Variants in CST8 observed in about 807,000 individuals in gnomAD.
CST8 encodes the protein cystatin-8.
A neutral mutation model predicts 11.8 loss-of-function variants in CST8; 20 were observed. The ratio of observed to expected loss-of-function variants is 1.70; its 90% confidence interval spans 1.20 to 2.47. The LOEUF (loss-of-function observed/expected upper bound fraction) is 2.47. Among genes scored for constraint, CST8 ranks in the 30% most tolerant of loss-of-function variants. The pLI is 0.00. For missense variants in CST8, 196 were observed against 167.2 expected, an observed-to-expected ratio of 1.17 and a Z score of -0.95; for synonymous variants, 77 against 63.1, an observed-to-expected ratio of 1.22 and a Z score of -1.05.
In CST8 at chr20:23,491,320, T is replaced by G. The variant is rs1359832026; in HGVS notation, c.-166T>G. ...ACATCATACAGGACTGAGAAGCAGATAACAAGAGTGACGCTCACAGGGGTA... is the reference window on the plus strand; with the variant it reads ...ACATCATACAGGACTGAGAAGCAGAGAACAAGAGTGACGCTCACAGGGGTA... On this transcript the variant is annotated 5_prime_UTR_variant, in exon 1 of 4. Coordinates refer to ENST00000246012, the MANE Select transcript of CST8 (RefSeq NM_005492.4). 3.3e-6 allele frequency: 1 copy of G among 300,796 alleles called. No individual in the cohort carries two copies. The allele number at this position is 300,796 out of a possible 1,614,324, so 18.6% of individuals were successfully genotyped here.
downstream of CST8, among the ~76,000 whole-genome samples, chr20:23,497,831 T>C (rs567638502): frequency 2.0e-5 from 3 of 152,324 alleles, no homozygotes; most frequent in African/African-American, 7.2e-5. Context: ...CCTAACCTTG[T>C]CATGTGGGGA....
chr20:23,494,213 T>C (rs1305187132), intron 3 of CST8, among the ~76,000 whole-genome samples: 2 of 152,214 alleles, frequency 1.3e-5, no homozygotes, highest in African/African-American at 2.4e-5. Flanking sequence ...ATTAGGAATA[T>C]GGTTGCTTTA....
Position 23,491,321 on chromosome 20 carries a change from A to G in CST8, c.-165A>G. 3.3e-6 allele frequency: 1 copy of G among 302,166 alleles called. No individual in the cohort carries two copies. The highest frequency in any genetic ancestry group is 1.1e-3 in the Middle Eastern group (1 of 930). 18.7% of individuals were successfully genotyped at this position (302,166 alleles called of 1,614,324 possible). On this transcript the variant is annotated 5_prime_UTR_variant, in exon 1 of 4. It adds an upstream start codon to the 5' untranslated region. Transcript: ENST00000246012. Reference sequence around the variant, plus strand: ...CATCATACAGGACTGAGAAGCAGATAACAAGAGTGACGCTCACAGGGGTAG... The same window carrying G: ...CATCATACAGGACTGAGAAGCAGATGACAAGAGTGACGCTCACAGGGGTAG...
chr20:23,492,871 C>T lies in CST8; in HGVS notation c.232-87C>T, dbSNP rs542587165. On this transcript the variant is annotated intron_variant, in intron 2 of 3. Coordinates refer to ENST00000246012, the MANE Select transcript of CST8 (RefSeq NM_005492.4). ...GAGGGAGGAAGGAAAGAGGAAAGGA[C>T]GAGAGTAAGAGTAATTTTTTTTTTT... The T allele has an allele frequency of 4.5e-4, 369 of 813,084 alleles. 2 individuals are homozygous for T. Among genetic ancestry groups the T allele is most frequent in the Middle Eastern group, 1.2e-3 (5 of 4,250 alleles). The allele number at this position is 813,084 out of a possible 1,614,324, so 50.4% of individuals were successfully genotyped here.
chr20:23,496,086 T>C (rs1023756882), downstream of CST8: 5 of 589,506 alleles, frequency 8.5e-6, no homozygotes, highest in African/African-American at 9.5e-5. Context: ...GTCCAGGTCC[T>C]CTTTGCTGGC....
downstream of CST8, among the ~76,000 whole-genome samples, chr20:23,500,782 G>A (rs1988164461): frequency 7.1e-6 from 1 of 141,346 alleles, no homozygotes; most frequent in Admixed American, 7.2e-5. Flanking sequence ...CAGGTGAAGG[G>A]TGAACAGGGG....
intron 2 of CST8, among the ~76,000 whole-genome samples, chr20:23,492,627 CTTTCACCTCT>C (rs1987923318): frequency 6.6e-6 from 1 of 152,212 alleles, no homozygotes; most frequent in African/African-American, 2.4e-5. Flanking sequence ...AAGAGCCCAC[CTTTCACCTCT>C]CAGTCCTCAC....
At chr20:23,499,267 T>C (rs1386350187), downstream of CST8, among the ~76,000 whole-genome samples, 1 of 152,202 alleles carries the variant, frequency 6.6e-6, no homozygotes, top group Non-Finnish European at 1.5e-5. Flanking sequence ...TTTTATTTAA[T>C]TTAATGTTAT....
the CST8 span, among the ~76,000 whole-genome samples, chr20:23,505,423 C>T: frequency 7.2e-5 from 11 of 152,052 alleles, no homozygotes; most frequent in East Asian, 3.9e-4. Flanking sequence ...GGGTTACAGG[C>T]GTGAGCCACC....
At chr20:23,505,905 C>T in the CST8 span, among the ~76,000 whole-genome samples, 1 of 152,092 alleles carries the variant, frequency 6.6e-6, no homozygotes, top group African/African-American at 2.4e-5. Context: ...TGCTGAATGT[C>T]AATGGTAAAC....
intron 2 of CST8, among the ~76,000 whole-genome samples, 184 bp downstream of exon 2, chr20:23,492,082 C>A (rs78983475): frequency 6.6e-6 from 1 of 152,216 alleles, no homozygotes. Context: ...TTTCTACAAA[C>A]GCTTGCGCTT....
intron 2 of CST8, among the ~76,000 whole-genome samples, chr20:23,492,444 C>T (rs1201520479): frequency 6.6e-6 from 1 of 152,200 alleles, no homozygotes; most frequent in Non-Finnish European, 1.5e-5. Context: ...TGCATGGGTC[C>T]TCATGGACTG....
downstream of CST8, among the ~76,000 whole-genome samples, chr20:23,498,436 A>G (rs1988109212): frequency 6.6e-6 from 1 of 152,216 alleles, no homozygotes; most frequent in Middle Eastern, 3.2e-3. Flanking sequence ...TAGGGATTTC[A>G]GTATTTCTGC....
downstream of CST8, among the ~76,000 whole-genome samples, chr20:23,498,224 A>G (rs1265259293): frequency 6.6e-6 from 1 of 152,200 alleles, no homozygotes; most frequent in Non-Finnish European, 1.5e-5. Flanking sequence ...ATGACAATGT[A>G]AATAGACAAC....
downstream of CST8, among the ~76,000 whole-genome samples, chr20:23,496,754 T>A (rs1255333920): frequency 6.6e-6 from 1 of 152,166 alleles, no homozygotes; most frequent in East Asian, 1.9e-4. Flanking sequence ...AAGCGGCCAT[T>A]TTAGAGGCCT....
the CST8 span, among the ~76,000 whole-genome samples, chr20:23,502,400 G>A: frequency 8.5e-5 from 13 of 152,324 alleles, no homozygotes; most frequent in African/African-American, 3.1e-4. Flanking sequence ...GCTTGCAGCG[G>A]AATCTCACAA....
chr20:23,491,497 T>A, intron 1 of CST8, 28 bp from the exon 2 acceptor site: 2 of 614,580 alleles, frequency 3.3e-6, no homozygotes, highest in Non-Finnish European at 5.8e-6. Flanking sequence ...CCCCAAAGAG[T>A]GACCCTAATG....
downstream of CST8, among the ~76,000 whole-genome samples, chr20:23,499,949 T>C (rs1988142835): frequency 6.6e-6 from 1 of 151,302 alleles, no homozygotes; most frequent in Non-Finnish European, 1.5e-5. Flanking sequence ...TAGTGCTTCT[T>C]GTGCAGGAGA....
chr20:23,499,803 T>C (rs1988139810), downstream of CST8, among the ~76,000 whole-genome samples: 1 of 152,210 alleles, frequency 6.6e-6, no homozygotes, highest in Non-Finnish European at 1.5e-5. Flanking sequence ...AGTGGGGACC[T>C]TGCTGGTTGG....
Sources: allele counts gnomAD v4.1 joint callset (sites outside exome capture counted in the v4.1 genomes callset), GRCh38; gene constraint gnomAD v4.1.1; transcripts MANE v1.5; gene names NCBI Gene and HGNC (gene_info 2026-07-23, HGNC 2026-07-21).